Variants in DISP1 observed in about 807,000 individuals in gnomAD.
DISP1 encodes dispatched RND transporter family member 1.
In DISP1, 30 loss-of-function variants were observed where a neutral mutation model predicts 37.3. That is an observed-to-expected ratio of 0.80 (90% CI 0.60 to 1.09). DISP1 has a LOEUF of 1.09. Among genes scored for constraint, DISP1 ranks in the 50% least tolerant of loss-of-function variants. The pLI is 0.00. For missense variants in DISP1, 1,598 were observed against 1,879.5 expected (o/e 0.85, Z 2.77); for synonymous variants, 634 against 690.2 (o/e 0.92, Z 1.28).
At chr1:222,972,348 T>C (rs1677019057) in intron 3 of DISP1, among the ~76,000 whole-genome samples, 1 of 152,110 alleles carries the variant, frequency 6.6e-6, no homozygotes, top group African/African-American at 2.4e-5. Context: ...CTGCAGTAGC[T>C]CCTAACCTGC....
intron 3 of DISP1, among the ~76,000 whole-genome samples, chr1:222,951,972 A>G (rs1341590899): frequency 1.3e-5 from 2 of 152,228 alleles, no homozygotes; most frequent in Non-Finnish European, 2.9e-5. Context: ...TTTTATGTAT[A>G]AAGTTTTAAT....
chr1:222,939,116 T>A (rs1282954214), intron 2 of DISP1, among the ~76,000 whole-genome samples: 1 of 152,172 alleles, frequency 6.6e-6, no homozygotes, highest in East Asian at 1.9e-4. Flanking sequence ...TAGTTCCTAC[T>A]TCATTACAAG....
chr1:222,838,057 AT>A (rs35182574), intron 1 of DISP1, among the ~76,000 whole-genome samples: 1 of 152,074 alleles, frequency 6.6e-6, no homozygotes, highest in Non-Finnish European at 1.5e-5. Context: ...TGCCATTTAA[AT>A]TTTTTTCCCA....
intron 1 of DISP1, among the ~76,000 whole-genome samples, chr1:222,860,281 C>T (rs1056322965): frequency 2.0e-5 from 3 of 152,016 alleles, no homozygotes; most frequent in Non-Finnish European, 2.9e-5. Context: ...CTTGAACTCC[C>T]GACCTCAGGT....
intron 1 of DISP1, among the ~76,000 whole-genome samples, chr1:222,819,075 A>G (rs1162559734): frequency 6.6e-6 from 1 of 152,120 alleles, no homozygotes; most frequent in Non-Finnish European, 1.5e-5. Context: ...ATGGTTTAGC[A>G]CCATCCCTCT....
At chr1:222,966,284 A>T (rs1676481850) in intron 3 of DISP1, among the ~76,000 whole-genome samples, 1 of 152,138 alleles carries the variant, frequency 6.6e-6, no homozygotes, top group Non-Finnish European at 1.5e-5. Context: ...AAAAATAATA[A>T]CCTAGGAAAA....
chr1:222,976,505 T>C (rs975042399), intron 3 of DISP1, among the ~76,000 whole-genome samples: 2 of 152,100 alleles, frequency 1.3e-5, no homozygotes, highest in African/African-American at 4.8e-5. Flanking sequence ...TATAGAAACT[T>C]CAGAGGGATC....
At position 223,002,399 on chromosome 1, in the gene DISP1, CCA is replaced by C. The variant is rs1302826754; in HGVS notation, c.1003_1004del (p.Gln335ValfsTer3). 6.2e-7 allele frequency: 1 copy of C among 1,614,030 alleles called. No homozygotes were observed. The highest frequency in any genetic ancestry group is 1.3e-5 in the African/African-American group (1 of 74,990). The stretch of plus-strand genomic sequence containing the variant: ...TATCTCTGCAGATCAGATCTCATCC[CCA>C]GTTTGGTGATCTCTGCCAGAGGACC... Reference protein sequence around the residue: ...VDNSRIRSHPQFGDLCQRTTA... With the variant: ...VDNSRIRSHPXFGDLCQRTTA... On this transcript the variant is annotated frameshift_variant, in exon 9 of 9. Transcript: ENST00000675850. LOFTEE classifies it low-confidence loss of function (END_TRUNC).
chr1:222,882,141 A>G (rs945123928), intron 1 of DISP1, among the ~76,000 whole-genome samples: 2 of 152,240 alleles, frequency 1.3e-5, no homozygotes, highest in African/African-American at 4.8e-5. Context: ...CCTGATTTCA[A>G]TATGAAATGG....
chr1:222,909,302 C>T (rs1672082984), intron 1 of DISP1, among the ~76,000 whole-genome samples: 1 of 152,104 alleles, frequency 6.6e-6, no homozygotes, highest in South Asian at 2.1e-4. Context: ...CCCTGGTTGC[C>T]TTAAAATTGT....
rs773799152 is a variant in DISP1 at position 223,005,164 on chromosome 1, T to C, written c.3767T>C (p.Leu1256Pro). 1.9e-5 allele frequency: 30 copies of C among 1,614,074 alleles called. 1 individual carries two copies. In the South Asian group the frequency reaches 3.2e-4, roughly 17 times the overall value. Reference protein sequence around the residue: ...DAGSALLQPPLEQHTVCHFFS... With the variant: ...DAGSALLQPPPEQHTVCHFFS... ...GGCTCTGCCTTGTTACAGCCCCCTC[T>C]TGAACAGCATACCGTGTGTCACTTC... Residue 1256 changes from leucine (L) to proline (P), a missense_variant, in exon 9 of 9, where the codon CTT (leucine) becomes CCT (proline). Leu to Pro is a moderately conservative substitution (Grantham distance 98). Coordinates refer to ENST00000675850, the MANE Select transcript of DISP1 (RefSeq NM_001377229.1).
At chr1:222,940,250 C>T (rs1311768031) in intron 2 of DISP1, among the ~76,000 whole-genome samples, 2 of 152,212 alleles carry the variant, frequency 1.3e-5, no homozygotes, top group Middle Eastern at 3.4e-3. Flanking sequence ...CAGCTTCTGG[C>T]GAGGCCTTAG....
rs1402991108 is a variant in DISP1 at position 223,005,698 on chromosome 1, A to G, written c.4301A>G (p.Lys1434Arg). The change falls in exon 9 of 9, where the codon AAG becomes AGG. Residue 1434 changes from lysine (K) to arginine (R), a missense_variant. By Grantham distance (26) the Lys-to-Arg change is conservative. Transcript: ENST00000675850. The part of the protein sequence containing the change: ...NLESSGGTEN[K>R]AGGKVELSLS... ...GAGAGCAGTGGAGGGACTGAAAACAAGGCAGGAGGGAAAGTGGAGCTGAGC... is the reference window on the plus strand; with the variant it reads ...GAGAGCAGTGGAGGGACTGAAAACAGGGCAGGAGGGAAAGTGGAGCTGAGC... The G allele has an allele frequency of 6.2e-7, 1 of 1,614,184 alleles. No homozygotes were observed. Among genetic ancestry groups the G allele is most frequent in the Non-Finnish European group, 8.5e-7 (1 of 1,180,044 alleles).
At position 223,002,419 on chromosome 1, in the gene DISP1, A is replaced by G. The variant is rs748593109; in HGVS notation, c.1022A>G (p.Gln341Arg). 6.2e-6 allele frequency: 10 copies of G among 1,614,142 alleles called. No homozygotes were observed. In the African/African-American group the frequency reaches 8.0e-5, roughly 13 times the overall value. Reference protein sequence around the residue: ...RSHPQFGDLCQRTTAASCCPS... With the variant: ...RSHPQFGDLCRRTTAASCCPS... ...CATCCCCAGTTTGGTGATCTCTGCC[A>G]GAGGACCACTGCTGCCTCCTGCTGC... Residue 341 changes from glutamine to arginine, a missense_variant, in exon 9 of 9, where the codon CAG becomes CGG. Gln to Arg is a conservative substitution (Grantham distance 43, BLOSUM62 1). Transcript: ENST00000675850.
chr1:222,887,333 G>T (rs551846719), intron 1 of DISP1, among the ~76,000 whole-genome samples: 241 of 152,122 alleles, frequency 1.6e-3, no homozygotes, highest in African/African-American at 5.5e-3. Context: ...TCTGATTGTA[G>T]CCAGAATATC....
chr1:222,904,444 C>A (rs1032446627), intron 1 of DISP1, among the ~76,000 whole-genome samples: 1 of 151,918 alleles, frequency 6.6e-6, no homozygotes. Flanking sequence ...AATTAGTATT[C>A]ATGATGTTAA....
At chr1:222,994,422 G>A (rs1339462) in intron 7 of DISP1, among the ~76,000 whole-genome samples, 152,253 of 152,308 alleles carry the variant, frequency 1, 76,099 homozygotes, top group Non-Finnish European at 1. Context: ...TACTTAGTTG[G>A]CTGTTTTTAG....
intron 3 of DISP1, among the ~76,000 whole-genome samples, chr1:222,959,674 T>C (rs1675879765): frequency 7.7e-6 from 1 of 130,494 alleles, no homozygotes; most frequent in Non-Finnish European, 1.6e-5. Flanking sequence ...CACTCCAGCC[T>C]GGGCAACAAG....
chr1:222,961,010 C>G (rs1676018353), intron 3 of DISP1, among the ~76,000 whole-genome samples: 1 of 152,066 alleles, frequency 6.6e-6, no homozygotes, highest in Non-Finnish European at 1.5e-5. Flanking sequence ...CAGGACCACA[C>G]TGATTCACAG....
Sources: gnomAD v4.1 joint callset for allele counts (sites outside exome capture counted in the v4.1 genomes callset) on GRCh38, gnomAD v4.1.1 for gene constraint, MANE v1.5 for transcripts, NCBI Gene and HGNC (gene_info 2026-07-23, HGNC 2026-07-21) for gene names.